PPP2R3B: variants seen among roughly 807,000 people sequenced by gnomAD.
The protein encoded by PPP2R3B is protein phosphatase 2 regulatory subunit B''beta.
Under a neutral mutation model 72.9 loss-of-function variants are expected in PPP2R3B, and 68 were observed. That is an observed-to-expected ratio of 0.93 (90% CI 0.77 to 1.14). The LOEUF (loss-of-function observed/expected upper bound fraction) is 1.14, where lower values mean the gene tolerates loss of function less well. Among genes scored for constraint, PPP2R3B ranks in the 50% most tolerant of loss-of-function variants. The pLI is 0.00. For missense variants in PPP2R3B, 1,018 were observed against 842.0 expected, an observed-to-expected ratio of 1.21 and a Z score of -2.59; for synonymous variants, 466 against 375.8, an observed-to-expected ratio of 1.24 and a Z score of -2.78.
intron 4 of PPP2R3B, 51 bp downstream of exon 4, chrX:347,183 G>A (rs373602998): frequency 1.6e-3 from 146 of 90,678 alleles, no homozygotes; most frequent in African/African-American, 0.01. Flanking sequence ...CGGTGTAGAC[G>A]CGGGCCCTCC....
At position 386,552 on chromosome X, in the gene PPP2R3B, G is replaced by T; in HGVS notation, c.140C>A (p.Pro47Gln). 4 of 1,434,030 alleles carry T rather than the reference G, an allele frequency of 2.8e-6. No individual in the cohort carries two copies. Among genetic ancestry groups the T allele is most frequent in the Non-Finnish European group, 3.7e-6 (4 of 1,091,566 alleles). 88.8% of individuals were successfully genotyped at this position (1,434,030 alleles called of 1,614,324 possible). A position where few individuals can be genotyped will look rare whatever the true frequency, so the allele number is the denominator to read the frequency against. The change falls in exon 1 of 13, where the codon CCG (proline) becomes CAG (glutamine). Residue 47 changes from proline to glutamine, a missense_variant. Physicochemically the swap from Pro to Gln is moderately conservative, Grantham distance 76 (BLOSUM62 -1). Transcript: ENST00000390665. ...RRIKAPGRDQ[P>Q]TPGDGEQPGA... is the part of the protein sequence containing the mutation. ...GGGCTGCTCCCCGTCCCCCGGGGTC[G>T]GCTGGTCCCGCCCGGGCGCCTTGAT...
At chrX:385,774 A>G (rs924383892) in intron 1 of PPP2R3B, among the ~76,000 whole-genome samples, 1 of 152,142 alleles carries the variant, frequency 6.6e-6, no homozygotes, top group Non-Finnish European at 1.5e-5. Context: ...CTGTCTCCAA[A>G]GAATTGTAAA....
chrX:378,925 C>A (rs768510919), intron 1 of PPP2R3B, among the ~76,000 whole-genome samples: 1 of 152,224 alleles, frequency 6.6e-6, no homozygotes, highest in African/African-American at 2.4e-5. Flanking sequence ...CTTCAGAAAC[C>A]CTGAGCTCCT....
At chrX:346,844 G>T in intron 4 of PPP2R3B, 69 bp from the exon 5 acceptor site, 1 of 1,390,306 alleles carries the variant, frequency 7.2e-7, no homozygotes, top group Non-Finnish European at 1.0e-6. Context: ...CGGTGTGGAC[G>T]CTGCAGACGC....
chrX:341,974 G>A (rs746901575), intron 7 of PPP2R3B, 43 bp from the exon 8 acceptor site: 8 of 1,608,722 alleles, frequency 5.0e-6, no homozygotes, highest in African/African-American at 2.7e-5. Context: ...ACCGTGCCTC[G>A]GCCCCGACGT....
chrX:336,801 A>T (rs1243960066), intron 12 of PPP2R3B: 2 of 152,210 alleles, frequency 1.3e-5, no homozygotes, highest in Non-Finnish European at 2.9e-5. Flanking sequence ...CAGAAGTCTC[A>T]CAACATTCGC....
chrX:340,959 T>C lies in PPP2R3B; in HGVS notation c.1176-19A>G, dbSNP rs200781428. 8 of 1,605,892 alleles carry C rather than the reference T, an allele frequency of 5.0e-6. No individual in the cohort carries two copies. The highest frequency in any genetic ancestry group is 4.5e-5 in the East Asian group (2 of 44,726). On this transcript the variant is annotated intron_variant, in intron 9 of 12. Coordinates refer to ENST00000390665, the MANE Select transcript of PPP2R3B (RefSeq NM_013239.5). ...CTCGATGCTGCGGCACGGCGAGCTC[T>C]GTCAGCCCCTGCCCTGGGCCCTCCC...
rs1361360835 is a variant in PPP2R3B, at chrX:347,754, C to T, written c.511-61G>A. ...GGCCTGGACGCCGGCGCTCCTGCTG[C>T]GTACCTCGCGCCTGACCGACGCCGC... On this transcript the variant is annotated intron_variant, in intron 2 of 12. Coordinates refer to ENST00000390665, the MANE Select transcript of PPP2R3B (RefSeq NM_013239.5). The T allele has an allele frequency of 2.9e-5, 38 of 1,297,754 alleles. No individual in the cohort carries two copies. The East Asian group carries it at 6.6e-4, about 23-fold the overall frequency. The allele number at this position is 1,297,754 out of a possible 1,614,324, so 80.4% of individuals were successfully genotyped here.
At chrX:385,994 A>G (rs1031386950) in intron 1 of PPP2R3B, among the ~76,000 whole-genome samples, 4 of 152,170 alleles carry the variant, frequency 2.6e-5, no homozygotes, top group African/African-American at 9.6e-5. Context: ...AGGCAGGAGA[A>G]TCGCTTGAAC....
chrX:338,988 A>AC (rs2070976614), intron 10 of PPP2R3B, 92 bp from the exon 11 acceptor site: 3 of 1,036,976 alleles, frequency 2.9e-6, no homozygotes, highest in Non-Finnish European at 4.5e-6. Context: ...ACACGTGCTT[A>AC]AGGACGCGGC....
chrX:374,566 C>T (rs2071948502), intron 1 of PPP2R3B, among the ~76,000 whole-genome samples: 1 of 152,158 alleles, frequency 6.6e-6, no homozygotes, highest in Non-Finnish European at 1.5e-5. Context: ...GGTGAGCTGA[C>T]ATTCCGGGGG....
chrX:361,731 C>T (rs1012806138), intron 1 of PPP2R3B, 141 bp from the exon 2 acceptor site: 52 of 899,270 alleles, frequency 5.8e-5, no homozygotes, highest in Non-Finnish European at 8.6e-5. Context: ...ACTGCAATCC[C>T]TGCGGGGGAC....
At chrX:384,587 C>T (rs1309792258) in intron 1 of PPP2R3B, among the ~76,000 whole-genome samples, 1 of 152,036 alleles carries the variant, frequency 6.6e-6, no homozygotes, top group South Asian at 2.1e-4. Context: ...AGTCACCATG[C>T]CTGACCAATA....
In PPP2R3B at chrX:334,346, G is replaced by A. The variant is rs1435721057; in HGVS notation, c.*21C>T. The A allele has an allele frequency of 2.7e-6, 4 of 1,456,176 alleles. No homozygotes were observed. In the African/African-American group the frequency reaches 6.9e-5, roughly 25 times the overall value. 90.2% of individuals were successfully genotyped at this position (1,456,176 alleles called of 1,614,324 possible). A position where few individuals can be genotyped will look rare whatever the true frequency, so the allele number is the denominator to read the frequency against. Reference sequence around the variant, plus strand: ...GTGGCACGTGGGGAGCGGCCCCGCGGCGGCGTTCTCGCGGGCGGCGTCACA... The same window carrying A: ...GTGGCACGTGGGGAGCGGCCCCGCGACGGCGTTCTCGCGGGCGGCGTCACA... On this transcript the variant is annotated 3_prime_UTR_variant, in exon 13 of 13. Coordinates refer to ENST00000390665, the MANE Select transcript of PPP2R3B (RefSeq NM_013239.5).
In PPP2R3B at chrX:338,699, G is replaced by T; in HGVS notation, c.1482C>A (p.Ser494Arg). ...CCCAGTCCGAGAGCTCGGGGCCGCC[G>T]CTGTCACCGTCCTGGAGGAAGCACA... ...EQISLLRDGD[S>R]GGPELSDWEK... Residue 494 changes from serine (S) to arginine (R), a missense_variant, in exon 12 of 13, where the codon AGC becomes AGA. Coordinates refer to ENST00000390665, the MANE Select transcript of PPP2R3B (RefSeq NM_013239.5). 6.2e-7 allele frequency: 1 copy of T among 1,611,756 alleles called. No individual in the cohort carries two copies. Among genetic ancestry groups the T allele is most frequent in the Non-Finnish European group, 8.5e-7 (1 of 1,179,660 alleles).
chrX:382,654 G>A (rs1486999932), intron 1 of PPP2R3B, among the ~76,000 whole-genome samples: 2 of 152,118 alleles, frequency 1.3e-5, no homozygotes, highest in Admixed American at 6.6e-5. Flanking sequence ...CCACTTGTTA[G>A]AGGCTTCTTG....
intron 4 of PPP2R3B, 123 bp from the exon 5 acceptor site, chrX:346,898 C>A: frequency 2.1e-6 from 2 of 950,480 alleles, no homozygotes; most frequent in Non-Finnish European, 1.6e-6. Flanking sequence ...AGACGCCGGC[C>A]CTCCCGTGAG....
At chrX:356,768 T>C (rs1370603451) in intron 2 of PPP2R3B, among the ~76,000 whole-genome samples, 2 of 125,020 alleles carry the variant, frequency 1.6e-5, no homozygotes, top group African/African-American at 6.0e-5. Flanking sequence ...AAACTGCCCA[T>C]ACGGCCAGGG....
chrX:361,957 G>C (rs2071551121), intron 1 of PPP2R3B, among the ~76,000 whole-genome samples: 1 of 152,220 alleles, frequency 6.6e-6, no homozygotes, highest in South Asian at 2.1e-4. Context: ...CACCACACCT[G>C]GCAGGGACCT....
Sources: gnomAD v4.1 joint callset for allele counts (sites outside exome capture counted in the v4.1 genomes callset) on GRCh38, gnomAD v4.1.1 for gene constraint, MANE v1.5 for transcripts, NCBI Gene and HGNC (gene_info 2026-07-23, HGNC 2026-07-21) for gene names.